GLOD4: variants seen among roughly 807,000 people sequenced by gnomAD.
GLOD4 encodes glyoxalase domain-containing protein 4.
A neutral mutation model predicts 39.1 loss-of-function variants in GLOD4; 44 were observed. The observed-to-expected ratio is 1.13, with a 90% CI of 0.88 to 1.45. The LOEUF (loss-of-function observed/expected upper bound fraction) is 1.45, where lower values mean the gene tolerates loss of function less well. Among genes scored for constraint, GLOD4 ranks in the 40% most tolerant of loss-of-function variants. The pLI is 0.00. For synonymous variants in GLOD4, 145 were observed against 135.0 expected (o/e 1.07, Z -0.52); for missense variants, 405 against 366.4 (o/e 1.11, Z -0.86).
chr17:779,027 G>T lies in GLOD4; in HGVS notation c.91-283C>A, dbSNP rs1909412066. 2.0e-5 allele frequency among the ~76,000 whole-genome samples: 3 copies of T among 152,104 alleles called. No homozygotes were observed. The South Asian group carries it at 6.2e-4, about 32-fold the overall frequency. On this transcript the variant is annotated intron_variant, in intron 1 of 8. Coordinates refer to ENST00000301329, the MANE Select transcript of GLOD4 (RefSeq NM_016080.4). ...GTGGCCTTCAGCATTAAAGAAGTCT[G>T]ATTTGGGCCGGGCACAGTGACTCAC...
Position 775,809 on chromosome 17 carries a change from C to T in GLOD4, c.372G>A (p.Lys124=). The T allele has an allele frequency of 4.3e-6, 7 of 1,614,046 alleles. No individual in the cohort carries two copies. The highest frequency in any genetic ancestry group is 5.9e-6 in the Non-Finnish European group (7 of 1,179,928). Residue 124 remains lysine (K), a synonymous_variant, in exon 4 of 9, where the codon AAG becomes AAA. Transcript: ENST00000301329. ...GCAGACTGCGATTCTGCAAATAGAA[C>T]TTATATCCTCCCGGGGCCTCGGTTT... ...VFETEAPGGY[K]FYLQNRSLPQ...
rs762585499 is a variant in GLOD4, at chr17:778,699, T to C, written c.136A>G (p.Asn46Asp). ...EFEEGCKAAC[N>D]GPYDGKWSKT... is the part of the protein sequence containing the mutation. ...TTAAGAAACAAGGTATCATACCCAT[T>C]ACAGGCAGCTTTGCAGCCTTCTTCA... The change falls in exon 2 of 9, where the codon AAT becomes GAT. Residue 46 changes from asparagine (N) to aspartate (D), a missense_variant. Coordinates refer to ENST00000301329, the MANE Select transcript of GLOD4 (RefSeq NM_016080.4). The C allele has an allele frequency of 2.5e-6, 4 of 1,570,540 alleles. No homozygotes were observed. In the South Asian group the frequency reaches 3.3e-5, roughly 13 times the overall value.
rs1910093143 is a variant in GLOD4, at chr17:782,183, C to G, written c.73G>C (p.Asp25His). 4 of 1,607,726 alleles carry G rather than the reference C, an allele frequency of 2.5e-6. No individual in the cohort carries two copies. Among genetic ancestry groups the G allele is most frequent in the Non-Finnish European group, 3.4e-6 (4 of 1,175,598 alleles). Residue 25 changes from aspartate (D) to histidine (H), a missense_variant, in exon 1 of 9, where the codon GAC (aspartate) becomes CAC (histidine). Coordinates refer to ENST00000301329, the MANE Select transcript of GLOD4 (RefSeq NM_016080.4). ...GCCTGCACCTTCATCCCCAGGACGT[C>G]CCGATAGAAACGCGCCGTCTGGAAG... Reference protein sequence around the residue: ...NRFQTARFYRDVLGMKVLRHE... With the variant: ...NRFQTARFYRHVLGMKVLRHE...
At chr17:775,368 C>G (rs944205318) in intron 4 of GLOD4, among the ~76,000 whole-genome samples, 17 of 152,120 alleles carry the variant, frequency 1.1e-4, no homozygotes, top group Non-Finnish European at 4.4e-5. Context: ...CTTGAGGGGA[C>G]TAGTTCTAGG....
chr17:775,246 G>A (rs1417823318), intron 4 of GLOD4, among the ~76,000 whole-genome samples: 2 of 151,500 alleles, frequency 1.3e-5, no homozygotes, highest in African/African-American at 4.9e-5. Context: ...ACTCCAGCCG[G>A]ACTGACAGAG....
chr17:778,557 G>A (rs767203380), intron 2 of GLOD4, 138 bp downstream of exon 2: 7 of 707,876 alleles, frequency 9.9e-6, no homozygotes, highest in Admixed American at 2.0e-5. Flanking sequence ...ATGTGTTCCC[G>A]ACGCTCCTGA....
At position 759,394 on chromosome 17, in the gene GLOD4, T is replaced by G; in HGVS notation, c.*779A>C. On this transcript the variant is annotated 3_prime_UTR_variant, in exon 9 of 9. Transcript: ENST00000301329. ...AATTCCATTTCGAGTGATTAAAACC[T>G]ATTTGTTGTTTAGAACCAAACAAAA... 1 of 152,242 alleles carries G rather than the reference T, an allele frequency of 6.6e-6. No individual in the cohort carries two copies. The highest frequency in any genetic ancestry group is 1.5e-5 in the Non-Finnish European group (1 of 68,048). The allele number at this position is 152,242 out of a possible 1,614,324, so 9.4% of individuals were successfully genotyped here.
intron 5 of GLOD4, 127 bp from the exon 6 acceptor site, chr17:770,634 C>T: frequency 1.6e-6 from 1 of 622,884 alleles, no homozygotes; most frequent in Middle Eastern, 3.3e-4. Flanking sequence ...CTACTCTCAC[C>T]CCAGAGACAA....
At chr17:777,089 G>T in intron 2 of GLOD4, 101 bp from the exon 3 acceptor site, 1 of 1,122,522 alleles carries the variant, frequency 8.9e-7, no homozygotes. Flanking sequence ...TTCCTGTCTG[G>T]TCCTAAAAGT....
At chr17:783,049 G>T (rs1245235320), upstream of GLOD4, 11 of 1,531,174 alleles carry the variant, frequency 7.2e-6, no homozygotes, top group Non-Finnish European at 9.6e-6. Context: ...GATGTTGATA[G>T]TTACCTGTTT....
chr17:777,204 G>A, intron 2 of GLOD4: 1 of 567,860 alleles, frequency 1.8e-6, no homozygotes, highest in Non-Finnish European at 3.2e-6. Flanking sequence ...CTACCTGAAG[G>A]AAAGATTTGT....
chr17:761,786 G>A (rs1181273765), intron 8 of GLOD4, among the ~76,000 whole-genome samples: 2 of 152,218 alleles, frequency 1.3e-5, no homozygotes, highest in East Asian at 1.9e-4. Flanking sequence ...TTACAGGGGT[G>A]AGCCATCGCG....
At chr17:769,260 G>A (rs983577815) in intron 8 of GLOD4, among the ~76,000 whole-genome samples, 2 of 149,924 alleles carry the variant, frequency 1.3e-5, no homozygotes, top group Non-Finnish European at 3.0e-5. Flanking sequence ...GGATGGGATG[G>A]AGGCATCTCC....
At chr17:783,076 T>C (rs769478507), upstream of GLOD4, 32 of 1,597,618 alleles carry the variant, frequency 2.0e-5, no homozygotes, top group Non-Finnish European at 2.0e-5. Context: ...TTTATTTCCA[T>C]CTACAGCAGT....
chr17:768,624 C>T (rs1386076544), intron 8 of GLOD4, among the ~76,000 whole-genome samples: 9 of 119,664 alleles, frequency 7.5e-5, no homozygotes, highest in Admixed American at 1.8e-4. Flanking sequence ...AGAGAAACAG[C>T]GCGCACTCAG....
intron 8 of GLOD4, among the ~76,000 whole-genome samples, chr17:767,144 G>A (rs1906721079): frequency 6.6e-6 from 1 of 152,126 alleles, no homozygotes; most frequent in South Asian, 2.1e-4. Context: ...GAAATTTTTG[G>A]ATAAGAAGAC....
upstream of GLOD4, chr17:782,408 T>C: frequency 6.2e-7 from 1 of 1,613,902 alleles, no homozygotes; most frequent in Middle Eastern, 1.6e-4. Flanking sequence ...CCGCGAGGTT[T>C]GTCGTGCGAC....
chr17:768,010 A>G (rs1345011197), intron 8 of GLOD4, among the ~76,000 whole-genome samples: 5 of 147,616 alleles, frequency 3.4e-5, no homozygotes, highest in East Asian at 2.1e-4. Context: ...AGAGAGAAAC[A>G]GCGCGCACTC....
intron 2 of GLOD4, chr17:777,685 T>C (rs181530982): frequency 9.9e-5 from 15 of 152,204 alleles, no homozygotes; most frequent in Admixed American, 8.5e-4. Flanking sequence ...ATCTAGAGCA[T>C]GTACTTATTT....
Sources: gnomAD v4.1 joint callset for allele counts (sites outside exome capture counted in the v4.1 genomes callset) on GRCh38, gnomAD v4.1.1 for gene constraint, MANE v1.5 for transcripts, NCBI Gene and HGNC (gene_info 2026-07-23, HGNC 2026-07-21) for gene names.